EPHA6: variants seen among roughly 807,000 people sequenced by gnomAD.
EPHA6 encodes EPH receptor A6.
Under a neutral mutation model 112.0 loss-of-function variants are expected in EPHA6, and 50 were observed. That is an observed-to-expected ratio of 0.45 (90% CI 0.36 to 0.56). EPHA6 has a LOEUF of 0.56. Ranked by LOEUF, EPHA6 falls within the 20% of genes least tolerant of loss-of-function variation. The pLI, the probability that EPHA6 is intolerant of heterozygous loss-of-function variation, is 0.00. For synonymous variants in EPHA6, 529 were observed against 490.7 expected, an observed-to-expected ratio of 1.08 and a Z score of -1.03; for missense variants, 1,280 against 1,417.4, an observed-to-expected ratio of 0.90 and a Z score of 1.56.
chr3:97,394,344 T>A (rs1204855752), intron 5 of EPHA6, among the ~76,000 whole-genome samples: 1 of 151,784 alleles, frequency 6.6e-6, no homozygotes, highest in Admixed American at 6.6e-5. Flanking sequence ...AGAAAACACT[T>A]CAAGACATTG....
Position 96,985,832 on chromosome 3 carries a change from TTC to T in EPHA6, c.451-1496_451-1495del, listed in dbSNP as rs1159194911. On this transcript the variant is annotated intron_variant, in intron 2 of 17. Coordinates refer to ENST00000389672, the MANE Select transcript of EPHA6 (RefSeq NM_001080448.3). ...TGCTGTATACTGAGGAAAATAGGCA[TTC>T]TGTTAGAAACTATACTATACTAGTG... 2.4e-3 allele frequency among the ~76,000 whole-genome samples: 371 copies of T among 152,282 alleles called. 2 individuals carry two copies. The highest frequency in any genetic ancestry group is 8.4e-3 in the African/African-American group (350 of 41,574).
chr3:97,643,731 G>C (rs1435645712), intron 14 of EPHA6, among the ~76,000 whole-genome samples: 1 of 151,950 alleles, frequency 6.6e-6, no homozygotes, highest in Non-Finnish European at 1.5e-5. Flanking sequence ...TCAACAAGAA[G>C]AGCTAACTAT....
At chr3:97,053,584 C>T (rs534731217) in intron 3 of EPHA6, among the ~76,000 whole-genome samples, 1 of 152,192 alleles carries the variant, frequency 6.6e-6, no homozygotes, top group East Asian at 1.9e-4. Context: ...AGAATGGGCA[C>T]ATCTCAAACA....
In EPHA6 at chr3:97,612,190, A is replaced by AT. The variant is rs1374526943; in HGVS notation, c.2574+1336_2574+1337insT. Among the ~76,000 whole-genome samples the AT allele has an allele frequency of 3.9e-5, 6 of 152,180 alleles. No homozygotes were observed. The East Asian group carries it at 7.7e-4, about 20-fold the overall frequency. ...GTTCTAAATTATTTTAGAATAATTTACAGGACCACCTATGGTACTTGAAAT... is the reference window on the plus strand; with the variant it reads ...GTTCTAAATTATTTTAGAATAATTTATCAGGACCACCTATGGTACTTGAAAT... On this transcript the variant is annotated intron_variant, in intron 13 of 17. Transcript: ENST00000389672.
intron 12 of EPHA6, among the ~76,000 whole-genome samples, chr3:97,602,846 G>A (rs1459206729): frequency 6.6e-6 from 1 of 151,922 alleles, no homozygotes; most frequent in East Asian, 1.9e-4. Context: ...TTATTTATTT[G>A]ACATGTAATT....
intron 14 of EPHA6, among the ~76,000 whole-genome samples, chr3:97,667,504 G>A (rs2030271840): frequency 6.6e-6 from 1 of 152,016 alleles, no homozygotes; most frequent in African/African-American, 2.4e-5. Flanking sequence ...TCCACATTAG[G>A]AATTTATGTT....
intron 3 of EPHA6, among the ~76,000 whole-genome samples, chr3:96,998,749 G>C (rs1160709843): frequency 6.6e-6 from 1 of 151,746 alleles, no homozygotes; most frequent in Non-Finnish European, 1.5e-5. Context: ...CTGAGAAAGA[G>C]AGAGACAGAG....
At chr3:97,424,135 G>T (rs1226754299) in intron 6 of EPHA6, among the ~76,000 whole-genome samples, 1 of 152,204 alleles carries the variant, frequency 6.6e-6, no homozygotes, top group Non-Finnish European at 1.5e-5. Flanking sequence ...TTACATGGCA[G>T]CAGGCAAGAG....
intron 14 of EPHA6, among the ~76,000 whole-genome samples, chr3:97,687,908 A>G (rs2032369551): frequency 6.6e-6 from 1 of 152,196 alleles, no homozygotes; most frequent in Non-Finnish European, 1.5e-5. Flanking sequence ...GTACAGGGCA[A>G]GAATGCCAGA....
Position 97,383,901 on chromosome 3 carries a change from G to A in EPHA6, c.1607-21249G>A, listed in dbSNP as rs1017006308. On this transcript the variant is annotated intron_variant, in intron 5 of 17. Transcript: ENST00000389672. ...AAAATCCTAAACATCTAATTTTCTG[G>A]AAAATGATTTCCAAGGTAGCAAATG... Among the ~76,000 whole-genome samples the A allele has an allele frequency of 5.3e-5, 8 of 152,100 alleles. No individual in the cohort carries two copies. In the Middle Eastern group the frequency reaches 0.02, roughly 388 times the overall value.
chr3:97,518,822 T>A (rs541899497), intron 10 of EPHA6, among the ~76,000 whole-genome samples: 1 of 152,190 alleles, frequency 6.6e-6, no homozygotes, highest in South Asian at 2.1e-4. Flanking sequence ...CACTTTTTAA[T>A]AAAATTATTT....
At chr3:96,953,901 C>G (rs2041655294) in intron 2 of EPHA6, among the ~76,000 whole-genome samples, 1 of 151,126 alleles carries the variant, frequency 6.6e-6, no homozygotes, top group Non-Finnish European at 1.5e-5. Context: ...GAGACATGGT[C>G]TGACTCTGTC....
At chr3:97,038,778 A>G (rs2045203993) in intron 3 of EPHA6, among the ~76,000 whole-genome samples, 1 of 151,770 alleles carries the variant, frequency 6.6e-6, no homozygotes, top group African/African-American at 2.4e-5. Flanking sequence ...CTTTTTTTCC[A>G]GTGTGGAAAT....
chr3:97,544,362 G>GGTTATATGCTGGA (rs2092914234), intron 11 of EPHA6, among the ~76,000 whole-genome samples: 1 of 152,046 alleles, frequency 6.6e-6, no homozygotes, highest in East Asian at 1.9e-4. Flanking sequence ...TGTGGTTTTT[G>GGTTATATGCTGGA]TCTTTGGTTC....
At chr3:97,274,587 G>C (rs908202433) in intron 5 of EPHA6, among the ~76,000 whole-genome samples, 2 of 152,176 alleles carry the variant, frequency 1.3e-5, no homozygotes, top group Non-Finnish European at 2.9e-5. Flanking sequence ...GTGAGGGCTT[G>C]AGTTAAGGCA....
At position 97,758,286 on chromosome 3, in the gene EPHA6, T is replaced by A. The variant is rs1358884209; in HGVS notation, c.*9585T>A. Reference sequence around the variant, plus strand: ...TACCATTAAATGCAATAATAAGGTATCTATAATATAACAATCAAAAATATC... The same window carrying A: ...TACCATTAAATGCAATAATAAGGTAACTATAATATAACAATCAAAAATATC... On this transcript the variant is annotated 3_prime_UTR_variant, in exon 18 of 18. Coordinates refer to ENST00000389672, the MANE Select transcript of EPHA6 (RefSeq NM_001080448.3). Among the ~76,000 whole-genome samples the A allele has an allele frequency of 6.6e-6, 1 of 151,968 alleles. No homozygotes were observed. The highest frequency in any genetic ancestry group is 1.9e-4 in the East Asian group (1 of 5,186).
intron 11 of EPHA6, among the ~76,000 whole-genome samples, chr3:97,547,245 T>C (rs1239460849): frequency 6.6e-6 from 1 of 152,202 alleles, no homozygotes; most frequent in Non-Finnish European, 1.5e-5. Context: ...GGGTTTTTGG[T>C]GTGGATGTCC....
At chr3:97,332,353 A>C (rs1339692194) in intron 5 of EPHA6, among the ~76,000 whole-genome samples, 1 of 152,048 alleles carries the variant, frequency 6.6e-6, no homozygotes, top group African/African-American at 2.4e-5. Flanking sequence ...GGCACAAGAC[A>C]GGGATGCCCT....
At chr3:97,718,470 T>G (rs902690637) in intron 14 of EPHA6, among the ~76,000 whole-genome samples, 3 of 152,214 alleles carry the variant, frequency 2.0e-5, no homozygotes, top group African/African-American at 7.2e-5. Context: ...TTTTTTTAAG[T>G]ATAAATATGT....
Sources: gnomAD v4.1 joint callset for allele counts (sites outside exome capture counted in the v4.1 genomes callset) on GRCh38, gnomAD v4.1.1 for gene constraint, MANE v1.5 for transcripts, NCBI Gene and HGNC (gene_info 2026-07-23, HGNC 2026-07-21) for gene names.